Variants in TPRG1 observed in about 807,000 individuals in gnomAD.
TPRG1 encodes the protein tumor protein p63 regulated 1.
A neutral mutation model predicts 29.3 loss-of-function variants in TPRG1; 29 were observed. The observed-to-expected ratio is 0.99, with a 90% CI of 0.74 to 1.35. The LOEUF (loss-of-function observed/expected upper bound fraction) is 1.35, where lower values mean the gene tolerates loss of function less well. Ranked by LOEUF, TPRG1 falls within the 40% of genes most tolerant of loss-of-function variation. The pLI is 0.00. For synonymous variants in TPRG1, 130 were observed against 116.8 expected (o/e 1.11, Z -0.73); for missense variants, 327 against 335.0 (o/e 0.98, Z 0.19).
rs10544733 is a variant in TPRG1 at position 189,294,803 on chromosome 3, T to TACAC, written c.480-15561_480-15558dup. Among the ~76,000 whole-genome samples the TACAC allele has an allele frequency of 1.8e-3, 268 of 150,162 alleles. 1 individual carries two copies. Among genetic ancestry groups the TACAC allele is most frequent in the African/African-American group, 3.4e-3 (141 of 41,016 alleles). On this transcript the variant is annotated intron_variant, in intron 4 of 5. Coordinates refer to ENST00000345063, the MANE Select transcript of TPRG1 (RefSeq NM_198485.4). ...CCTTTAATTACACAACCCTTACAGT[T>TACAC]ACACACACACACACACACACACACA...
intron 1 of TPRG1, among the ~76,000 whole-genome samples, chr3:189,176,502 A>C (rs1729507209): frequency 6.6e-6 from 1 of 152,260 alleles, no homozygotes; most frequent in African/African-American, 2.4e-5. Context: ...TTATAGTGAT[A>C]CAGAAAATAA....
At chr3:189,100,339 G>C (rs1350579601) in intron 1 of TPRG1, 1 of 152,222 alleles carries the variant, frequency 6.6e-6, no homozygotes, top group Non-Finnish European at 1.5e-5. Context: ...GGGTATATCT[G>C]AGATGTAGAG....
intron 3 of TPRG1, among the ~76,000 whole-genome samples, chr3:189,238,060 G>C (rs1012128833): frequency 4.6e-5 from 7 of 152,148 alleles, no homozygotes; most frequent in Middle Eastern, 3.2e-3. Context: ...TGTTACATGT[G>C]TGTCCTGGAA....
intron 4 of TPRG1, among the ~76,000 whole-genome samples, chr3:189,030,596 C>T (rs957496938): frequency 6.6e-6 from 1 of 152,142 alleles, no homozygotes; most frequent in Non-Finnish European, 1.5e-5. Flanking sequence ...TCCAAGCTCC[C>T]TACCTTGGGG....
chr3:189,144,140 T>C (rs4686499), intron 3 of TPRG1, among the ~76,000 whole-genome samples: 49,640 of 152,082 alleles, frequency 0.33, 8,407 homozygotes, highest in Admixed American at 0.44. Context: ...TGTCTTCTCC[T>C]TGCTCACTAT....
In TPRG1 at chr3:189,056,201, G is replaced by A. The variant is rs553083111; in HGVS notation, c.-463+32255G>A. On this transcript the variant is annotated intron_variant, in intron 4 of 10. Coordinates refer to the TPRG1 transcript ENST00000433971. Reference sequence around the variant, plus strand: ...ACCTCTGCCTCCCGGGTCCAAGCGAGTCTCATGCCTCAGTCTCCCAATTAG... The same window carrying A: ...ACCTCTGCCTCCCGGGTCCAAGCGAATCTCATGCCTCAGTCTCCCAATTAG... Among the ~76,000 whole-genome samples, 4 of 152,064 alleles carry A rather than the reference G, an allele frequency of 2.6e-5. No homozygotes were observed. The East Asian group carries it at 7.8e-4, about 30-fold the overall frequency.
At position 189,019,229 on chromosome 3, in the gene TPRG1, C is replaced by G. The variant is rs564790911; in HGVS notation, c.-659-4521C>G. ...CTAATTGAATACCCTTTATTTCCTT[C>G]TCCTGCCTAATTGCCCTGGCCAGAA... On this transcript the variant is annotated intron_variant, in intron 3 of 10. Coordinates refer to the TPRG1 transcript ENST00000433971. 6.6e-5 allele frequency among the ~76,000 whole-genome samples: 10 copies of G among 151,942 alleles called. No individual in the cohort carries two copies. In the South Asian group the frequency reaches 2.1e-3, roughly 32 times the overall value.
intron 4 of TPRG1, among the ~76,000 whole-genome samples, chr3:189,059,624 A>C (rs1715965972): frequency 6.6e-6 from 1 of 152,042 alleles, no homozygotes; most frequent in Admixed American, 6.6e-5. Flanking sequence ...AATGAAAAAA[A>C]CAAAGGAAAA....
chr3:189,300,754 C>A (rs1358378426), intron 4 of TPRG1, among the ~76,000 whole-genome samples: 2 of 152,140 alleles, frequency 1.3e-5, no homozygotes, highest in Non-Finnish European at 2.9e-5. Flanking sequence ...TGGGAGTAGG[C>A]AACTTCTGCC....
At chr3:189,012,399 G>C (rs765513690) in intron 3 of TPRG1, among the ~76,000 whole-genome samples, 2 of 152,076 alleles carry the variant, frequency 1.3e-5, no homozygotes, top group Non-Finnish European at 2.9e-5. Context: ...TGTGGTTTTT[G>C]TCTTTAAGTA....
At chr3:189,074,533 A>G (rs906395104) in intron 4 of TPRG1, among the ~76,000 whole-genome samples, 6 of 147,766 alleles carry the variant, frequency 4.1e-5, no homozygotes, top group Admixed American at 6.7e-5. Flanking sequence ...ACGTTTGGAA[A>G]CTCTTTCTGG....
At chr3:189,249,025 T>TATATAGAGTTCTAC (rs1741766708) in intron 4 of TPRG1, among the ~76,000 whole-genome samples, 1 of 151,492 alleles carries the variant, frequency 6.6e-6, no homozygotes, top group South Asian at 2.1e-4. Flanking sequence ...GTATATCATA[T>TATATAGAGTTCTAC]ATATAGAGTT....
chr3:189,158,615 T>TAA (rs200951915), intron 5 of TPRG1, among the ~76,000 whole-genome samples: 2 of 150,166 alleles, frequency 1.3e-5, no homozygotes, highest in Admixed American at 1.3e-4. Flanking sequence ...TCTCAAAAAA[T>TAA]AAAAAAAAAT....
intron 1 of TPRG1, among the ~76,000 whole-genome samples, chr3:189,192,886 C>A (rs1731913338): frequency 6.6e-6 from 1 of 152,058 alleles, no homozygotes; most frequent in South Asian, 2.1e-4. Flanking sequence ...TGAACTCCCC[C>A]AGTTTTAGTT....
chr3:189,117,199 G>A (rs894936476), intron 1 of TPRG1, among the ~76,000 whole-genome samples: 1 of 152,156 alleles, frequency 6.6e-6, no homozygotes, highest in Non-Finnish European at 1.5e-5. Context: ...GGAAAAGAGG[G>A]TAAAGAGGAA....
At chr3:189,042,957 A>T (rs1047101458) in intron 4 of TPRG1, among the ~76,000 whole-genome samples, 1 of 152,166 alleles carries the variant, frequency 6.6e-6, no homozygotes, top group Non-Finnish European at 1.5e-5. Context: ...AACAAGCTAG[A>T]GTAAGCCCGG....
intron 4 of TPRG1, among the ~76,000 whole-genome samples, chr3:189,272,235 C>G (rs1715274997): frequency 6.6e-6 from 1 of 152,164 alleles, no homozygotes; most frequent in Non-Finnish European, 1.5e-5. Flanking sequence ...TCTGCTTTGA[C>G]TTGTATTCCT....
chr3:189,079,200 A>T (rs1717422163), intron 4 of TPRG1, among the ~76,000 whole-genome samples: 1 of 152,170 alleles, frequency 6.6e-6, no homozygotes, highest in East Asian at 1.9e-4. Context: ...GAACTAATAC[A>T]GTGAGAACTC....
chr3:189,059,529 T>C (rs907279001), intron 4 of TPRG1, among the ~76,000 whole-genome samples: 3 of 151,648 alleles, frequency 2.0e-5, no homozygotes, highest in Admixed American at 6.6e-5. Context: ...GAGGTGGAGG[T>C]TGCAGTGAGC....
Sources: gnomAD v4.1 joint callset for allele counts (sites outside exome capture counted in the v4.1 genomes callset) on GRCh38, gnomAD v4.1.1 for gene constraint, MANE v1.5 for transcripts, NCBI Gene and HGNC (gene_info 2026-07-23, HGNC 2026-07-21) for gene names.